KDM5B: variants seen among roughly 807,000 people sequenced by gnomAD.
KDM5B encodes the protein lysine-specific demethylase 5B.
A neutral mutation model predicts 193.4 loss-of-function variants in KDM5B; 144 were observed. That is an observed-to-expected ratio of 0.74 (90% CI 0.65 to 0.86). The LOEUF is 0.86. Among genes scored for constraint, KDM5B ranks in the 40% least tolerant of loss-of-function variants. KDM5B has a pLI of 0.00. For synonymous variants in KDM5B, 668 were observed against 682.6 expected (o/e 0.98, Z 0.33); for missense variants, 1,833 against 1,886.9 (o/e 0.97, Z 0.53).
intron 11 of KDM5B, 38 bp downstream of exon 11, chr1:202,755,233 A>G: frequency 6.5e-7 from 1 of 1,538,840 alleles, no homozygotes; most frequent in Non-Finnish European, 9.0e-7. Flanking sequence ...CCTATCCAGC[A>G]TGCATACTAC....
intron 4 of KDM5B, among the ~76,000 whole-genome samples, chr1:202,772,663 A>G (rs1265832063): frequency 6.6e-6 from 1 of 152,212 alleles, no homozygotes; most frequent in African/African-American, 2.4e-5. Context: ...AGCAGAACAA[A>G]AACACTAGAG....
At chr1:202,799,465 C>T (rs1436402265) in intron 1 of KDM5B, among the ~76,000 whole-genome samples, 3 of 152,238 alleles carry the variant, frequency 2.0e-5, no homozygotes, top group African/African-American at 7.2e-5. Context: ...ACCAGCCTGA[C>T]CAAGATGGAG....
rs926104488 is a variant in KDM5B at position 202,789,215 on chromosome 1, C to G, written c.205-12121G>C. On this transcript the variant is annotated intron_variant, in intron 1 of 26. Coordinates refer to ENST00000367265, the MANE Select transcript of KDM5B (RefSeq NM_006618.5). ...ATCCCATCTAAAGATGACACATTTG[C>G]AATAGTATTAAAGAAAGAAGGGCCG... Among the ~76,000 whole-genome samples the G allele has an allele frequency of 2.6e-5, 4 of 152,008 alleles. No homozygotes were observed. In the South Asian group the frequency reaches 8.3e-4, roughly 31 times the overall value.
Position 202,726,626 on chromosome 1 carries a change from G to GTCAGTTT in KDM5B, c.*2403_*2409dup, listed in dbSNP as rs1174694770. The GTCAGTTT allele has an allele frequency of 6.6e-6, 1 of 152,146 alleles. No homozygotes were observed. The highest frequency in any genetic ancestry group is 1.5e-5 in the Non-Finnish European group (1 of 68,026). The allele number at this position is 152,146 out of a possible 1,614,324, so 9.4% of individuals were successfully genotyped here. A position where few individuals can be genotyped will look rare whatever the true frequency, so the allele number is the denominator to read the frequency against. On this transcript the variant is annotated 3_prime_UTR_variant, in exon 27 of 27. Coordinates refer to ENST00000367265, the MANE Select transcript of KDM5B (RefSeq NM_006618.5). Reference sequence around the variant, plus strand: ...GGACTACTGAGATGGAAACTGAAGTGTCAGTTTCCATGTGCATTTTATCAT... The same window carrying GTCAGTTT: ...GGACTACTGAGATGGAAACTGAAGTGTCAGTTTTCAGTTTCCATGTGCATTTTATCAT...
chr1:202,790,303 G>A (rs1168897189), intron 1 of KDM5B, among the ~76,000 whole-genome samples: 2 of 150,484 alleles, frequency 1.3e-5, no homozygotes, highest in Non-Finnish European at 3.0e-5. Flanking sequence ...GCAGGCCAAG[G>A]GCAGTGGCTC....
chr1:202,767,215 G>A, intron 4 of KDM5B, 155 bp from the exon 5 acceptor site: 1 of 1,563,218 alleles, frequency 6.4e-7, no homozygotes, highest in South Asian at 1.1e-5. Flanking sequence ...TTAAATGGAG[G>A]AACTGAAACA....
intron 14 of KDM5B, chr1:202,746,559 T>G (rs1357066981): frequency 2.4e-6 from 1 of 416,906 alleles, no homozygotes; most frequent in East Asian, 3.6e-5. Context: ...GTTTGGTCAT[T>G]TTGATCTGAG....
chr1:202,738,244 G>A (rs1655169443), intron 20 of KDM5B, among the ~76,000 whole-genome samples: 1 of 152,132 alleles, frequency 6.6e-6, no homozygotes, highest in Non-Finnish European at 1.5e-5. Flanking sequence ...AAATATGAAG[G>A]AAATAAACTC....
At chr1:202,781,178 A>AG (rs1237315254) in intron 1 of KDM5B, among the ~76,000 whole-genome samples, 2 of 152,174 alleles carry the variant, frequency 1.3e-5, no homozygotes, top group Non-Finnish European at 2.9e-5. Flanking sequence ...GCAAACCTGT[A>AG]GTCCTACCTA....
chr1:202,787,827 T>C lies in KDM5B; in HGVS notation c.205-10733A>G, dbSNP rs185001194. 1.8e-3 allele frequency among the ~76,000 whole-genome samples: 272 copies of C among 151,024 alleles called. 1 individual carries two copies. Among genetic ancestry groups the C allele is most frequent in the East Asian group, 0.016 (81 of 5,148 alleles). On this transcript the variant is annotated intron_variant, in intron 1 of 26. Transcript: ENST00000367265. Reference sequence around the variant, plus strand: ...ATCGCTTGAACCCGGGAGGTGGAGGTTGCAGTGAGCCAAGATCACACCACC... The same window carrying C: ...ATCGCTTGAACCCGGGAGGTGGAGGCTGCAGTGAGCCAAGATCACACCACC...
At chr1:202,761,687 A>C (rs1418862742) in intron 7 of KDM5B, among the ~76,000 whole-genome samples, 4 of 152,182 alleles carry the variant, frequency 2.6e-5, no homozygotes, top group Non-Finnish European at 5.9e-5. Flanking sequence ...GACCATGTGA[A>C]AGACAGCCAT....
chr1:202,741,177 A>G (rs955776426), intron 19 of KDM5B, among the ~76,000 whole-genome samples, 190 bp downstream of exon 19: 2 of 152,242 alleles, frequency 1.3e-5, no homozygotes, highest in African/African-American at 4.8e-5. Context: ...TCAGTAAAAT[A>G]AGAAAAAATT....
chr1:202,739,487 ATTT>A (rs1655221498), intron 20 of KDM5B, among the ~76,000 whole-genome samples: 1 of 124,106 alleles, frequency 8.1e-6, no homozygotes, highest in Admixed American at 7.9e-5. Flanking sequence ...TTATTTATTT[ATTT>A]TTTATTGATC....
chr1:202,741,299 T>C, intron 19 of KDM5B, 68 bp downstream of exon 19: 1 of 1,134,634 alleles, frequency 8.8e-7, no homozygotes, highest in Non-Finnish European at 1.2e-6. Flanking sequence ...GACCAATCAT[T>C]GTGCTCTGTG....
At chr1:202,795,635 A>G (rs370662367) in intron 1 of KDM5B, among the ~76,000 whole-genome samples, 1 of 151,718 alleles carries the variant, frequency 6.6e-6, no homozygotes, top group African/African-American at 2.4e-5. Flanking sequence ...TAGGCAACAG[A>G]GCAAGACTCC....
At chr1:202,729,486 A>G (rs1572701208) in intron 26 of KDM5B, 2 of 596,950 alleles carry the variant, frequency 3.4e-6, no homozygotes, top group East Asian at 5.6e-5. Context: ...TGGAAGAGCA[A>G]GAAAAGGAAA....
intron 4 of KDM5B, chr1:202,767,329 A>G: frequency 6.2e-7 from 1 of 1,608,996 alleles, no homozygotes; most frequent in Non-Finnish European, 8.5e-7. Flanking sequence ...CTTGTTTTCC[A>G]CTGAAAATGG....
At position 202,740,751 on chromosome 1, in the gene KDM5B, A is replaced by G. The variant is rs1655303450; in HGVS notation, c.3007T>C (p.Tyr1003His). The change falls in exon 20 of 27, where the codon TAT becomes CAT. Residue 1003 changes from tyrosine to histidine, a missense_variant. Coordinates refer to ENST00000367265, the MANE Select transcript of KDM5B (RefSeq NM_006618.5). ...TTCAGAGCCGCACCATTGGGCAGAT[A>G]TGCAGGGATCTCTTCGATTTCCTTT... ...AVKEIEEIPA[Y>H]LPNGAALKDS... 6.2e-7 allele frequency: 1 copy of G among 1,612,956 alleles called. No individual in the cohort carries two copies. Among genetic ancestry groups the G allele is most frequent in the Non-Finnish European group, 8.5e-7 (1 of 1,179,996 alleles).
intron 8 of KDM5B, among the ~76,000 whole-genome samples, chr1:202,759,974 C>T (rs1281892120): frequency 6.6e-6 from 1 of 152,180 alleles, no homozygotes; most frequent in African/African-American, 2.4e-5. Flanking sequence ...CAGGTCCATC[C>T]CAGTTTTCTT....
Sources: allele counts gnomAD v4.1 joint callset (sites outside exome capture counted in the v4.1 genomes callset), GRCh38; gene constraint gnomAD v4.1.1; transcripts MANE v1.5; gene names NCBI Gene and HGNC (gene_info 2026-07-23, HGNC 2026-07-21).